The following SLC9A2 variants were observed in gnomAD, a reference collection of about 807,000 sequenced individuals.
The protein encoded by SLC9A2 is solute carrier family 9 member A2, also known as sodium/hydrogen exchanger 2.
In SLC9A2, 42 loss-of-function variants were observed where a neutral mutation model predicts 71.7. That is an observed-to-expected ratio of 0.59 (90% CI 0.46 to 0.76). The LOEUF is 0.76. Ranked by LOEUF, SLC9A2 falls within the 30% of genes least tolerant of loss-of-function variation. The pLI, the probability that SLC9A2 is intolerant of heterozygous loss-of-function variation, is 0.00. For synonymous variants in SLC9A2, 396 were observed against 392.5 expected (o/e 1.01, Z -0.10); for missense variants, 829 against 1,017.4 (o/e 0.81, Z 2.52).
At chr2:102,648,737 G>C (rs971443806) in intron 1 of SLC9A2, among the ~76,000 whole-genome samples, 7 of 152,102 alleles carry the variant, frequency 4.6e-5, no homozygotes, top group African/African-American at 1.7e-4. Flanking sequence ...ATTCACAATT[G>C]CTACAAAGAA....
chr2:102,686,120 T>C (rs996428561), intron 5 of SLC9A2, among the ~76,000 whole-genome samples: 5 of 152,198 alleles, frequency 3.3e-5, no homozygotes, highest in Non-Finnish European at 7.4e-5. Context: ...GCTTTCTAGG[T>C]ACCTGATGCA....
intron 5 of SLC9A2, chr2:102,689,740 C>A (rs1041644522): frequency 6.6e-6 from 1 of 152,098 alleles, no homozygotes; most frequent in African/African-American, 2.4e-5. Flanking sequence ...AGAAGAAGAG[C>A]AGTATAAGAC....
At chr2:102,643,204 C>T (rs1676645351) in intron 1 of SLC9A2, among the ~76,000 whole-genome samples, 1 of 152,154 alleles carries the variant, frequency 6.6e-6, no homozygotes, top group Non-Finnish European at 1.5e-5. Flanking sequence ...GTCGTCCTTC[C>T]TGGCTCTACA....
At chr2:102,649,870 G>C (rs1676798024) in intron 1 of SLC9A2, among the ~76,000 whole-genome samples, 1 of 152,166 alleles carries the variant, frequency 6.6e-6, no homozygotes, top group South Asian at 2.1e-4. Flanking sequence ...CTGTCAGTGG[G>C]AGTGTAAATT....
At chr2:102,659,226 C>T (rs1159262652) in intron 2 of SLC9A2, among the ~76,000 whole-genome samples, 1 of 147,878 alleles carries the variant, frequency 6.8e-6, no homozygotes, top group Admixed American at 6.8e-5. Context: ...GTCAGGAGCT[C>T]GAGACAAGCC....
intron 7 of SLC9A2, among the ~76,000 whole-genome samples, chr2:102,696,914 T>C (rs1232609246): frequency 6.6e-6 from 1 of 152,148 alleles, no homozygotes; most frequent in African/African-American, 2.4e-5. Context: ...AGACCAGAGA[T>C]CCTATACATC....
chr2:102,657,292 A>G (rs1349999580), intron 1 of SLC9A2, among the ~76,000 whole-genome samples: 1 of 152,196 alleles, frequency 6.6e-6, no homozygotes, highest in Non-Finnish European at 1.5e-5. Context: ...ACGGGGATTT[A>G]GAAAAAATAA....
intron 5 of SLC9A2, among the ~76,000 whole-genome samples, chr2:102,687,309 T>C (rs1231168471): frequency 1.3e-5 from 2 of 152,248 alleles, no homozygotes; most frequent in African/African-American, 2.4e-5. Flanking sequence ...CAAGCGTGCA[T>C]GCACCCACAC....
Position 102,708,202 on chromosome 2 carries a change from C to T in SLC9A2, c.2152C>T (p.Gln718Ter). 6.2e-7 allele frequency: 1 copy of T among 1,614,126 alleles called. No individual in the cohort carries two copies. Among genetic ancestry groups the T allele is most frequent in the Non-Finnish European group, 8.5e-7 (1 of 1,180,032 alleles). Residue 718 changes from glutamine to a stop codon, truncating the protein, a stop_gained, in exon 12 of 12, where the codon CAG (glutamine) becomes TAG (stop). Transcript: ENST00000233969. LOFTEE classifies it low-confidence loss of function (END_TRUNC). ...QPRARRFLPEQFSKKSPQSYK... is the reference protein window; with the variant it reads ...QPRARRFLPE ...CAGAGCCAGGCGCTTCTTGCCAGAACAGTTCTCCAAGAAATCCCCCCAGTC... is the reference window on the plus strand; with the variant it reads ...CAGAGCCAGGCGCTTCTTGCCAGAATAGTTCTCCAAGAAATCCCCCCAGTC...
intron 1 of SLC9A2, among the ~76,000 whole-genome samples, chr2:102,651,643 C>T (rs1428472483): frequency 6.6e-6 from 1 of 152,196 alleles, no homozygotes; most frequent in Non-Finnish European, 1.5e-5. Context: ...CTTTTGTCTG[C>T]AGTGCTCATC....
At chr2:102,673,879 T>C (rs868859408) in intron 3 of SLC9A2, among the ~76,000 whole-genome samples, 4 of 151,874 alleles carry the variant, frequency 2.6e-5, no homozygotes, top group Admixed American at 1.3e-4. Context: ...CTCCGCCTCC[T>C]GGGTCCATGC....
At chr2:102,695,801 TATATATA>T (rs1253551543) in intron 7 of SLC9A2, among the ~76,000 whole-genome samples, 5 of 62,172 alleles carry the variant, frequency 8.0e-5, no homozygotes, top group African/African-American at 3.2e-4. Context: ...ATATATATAT[TATATATA>T]TATATAATAT....
intron 1 of SLC9A2, among the ~76,000 whole-genome samples, chr2:102,632,155 C>CACATATATATGTATATAT (rs1558701602): frequency 1.9e-5 from 2 of 107,372 alleles, no homozygotes; most frequent in African/African-American, 4.4e-5. Flanking sequence ...TACATATATA[C>CACATATATATGTATATAT]ACATATATAC....
chr2:102,641,444 T>TC lies in SLC9A2; in HGVS notation c.290-16116dup, dbSNP rs200220320. On this transcript the variant is annotated intron_variant, in intron 1 of 11. Transcript: ENST00000233969. ...CAGTGTCTCTTGTGGGCCACCTTTG[T>TC]CCCCACTCTAGTGAGTTTTGCACGT... 2.4e-4 allele frequency among the ~76,000 whole-genome samples: 37 copies of TC among 151,854 alleles called. No individual in the cohort carries two copies. The East Asian group carries it at 6.1e-3, about 25-fold the overall frequency.
At chr2:102,707,280 A>G (rs1346949559) in intron 11 of SLC9A2, among the ~76,000 whole-genome samples, 1 of 148,418 alleles carries the variant, frequency 6.7e-6, no homozygotes, top group Non-Finnish European at 1.5e-5. Flanking sequence ...GTGGGATGGA[A>G]AAATCATTAC....
chr2:102,666,761 A>G (rs945884605), intron 3 of SLC9A2, among the ~76,000 whole-genome samples: 6 of 152,052 alleles, frequency 3.9e-5, no homozygotes, highest in Non-Finnish European at 5.9e-5. Context: ...TTATGGTAAG[A>G]CCCTGTATAC....
intron 1 of SLC9A2, among the ~76,000 whole-genome samples, chr2:102,629,136 G>A (rs1676309389): frequency 6.6e-6 from 1 of 151,696 alleles, no homozygotes; most frequent in African/African-American, 2.4e-5. Context: ...CAGTTCCTGG[G>A]GTACATTAAA....
chr2:102,683,786 T>A (rs936052815), intron 4 of SLC9A2, among the ~76,000 whole-genome samples: 4 of 152,060 alleles, frequency 2.6e-5, no homozygotes, highest in Admixed American at 2.6e-4. Flanking sequence ...CCTCTGCCTC[T>A]TCCTCTTCCC....
At chr2:102,624,058 C>A (rs1317801313) in intron 1 of SLC9A2, among the ~76,000 whole-genome samples, 5 of 152,062 alleles carry the variant, frequency 3.3e-5, no homozygotes, top group African/African-American at 1.2e-4. Context: ...AAATCAACAT[C>A]CTAATTACTT....
Sources: allele counts gnomAD v4.1 joint callset (sites outside exome capture counted in the v4.1 genomes callset), GRCh38; gene constraint gnomAD v4.1.1; transcripts MANE v1.5; gene names NCBI Gene and HGNC (gene_info 2026-07-23, HGNC 2026-07-21).